Variants in ZNG1A observed in about 807,000 individuals in gnomAD.
ZNG1A encodes the protein zinc-regulated GTPase metalloprotein activator 1A.
the ZNG1A span, among the ~76,000 whole-genome samples, chr9:156,284 G>A: frequency 6.6e-6 from 1 of 151,198 alleles, no homozygotes; most frequent in East Asian, 1.9e-4. Context: ...TTTATGCTAC[G>A]ACAAAAATGA....
At chr9:162,612 C>T in the ZNG1A span, 8 of 588,496 alleles carry the variant, frequency 1.4e-5, no homozygotes, top group African/African-American at 1.6e-4. Flanking sequence ...GTTTTTTTCT[C>T]TTGCCAGTGC....
At chr9:149,528 G>C in the ZNG1A span, 2 of 151,662 alleles carry the variant, frequency 1.3e-5, no homozygotes, top group Non-Finnish European at 2.9e-5. Flanking sequence ...GAAAAGTTGA[G>C]CAATCATTCC....
At chr9:176,658 T>C in the ZNG1A span, among the ~76,000 whole-genome samples, 2 of 151,936 alleles carry the variant, frequency 1.3e-5, no homozygotes, top group African/African-American at 2.4e-5. Context: ...CACAAAAATA[T>C]GAAGTATAGA....
chr9:127,657 A>C, the ZNG1A span, among the ~76,000 whole-genome samples: 1 of 151,802 alleles, frequency 6.6e-6, no homozygotes, highest in African/African-American at 2.4e-5. Context: ...TTTTAAGTGG[A>C]GCATTTAGGC....
the ZNG1A span, among the ~76,000 whole-genome samples, chr9:160,908 CAACAGT>C: frequency 6.6e-6 from 1 of 150,678 alleles, no homozygotes; most frequent in African/African-American, 2.5e-5. Context: ...ATATGATTTC[CAACAGT>C]CATTGGAATT....
the ZNG1A span, among the ~76,000 whole-genome samples, chr9:135,276 A>G: frequency 6.7e-6 from 1 of 149,782 alleles, no homozygotes; most frequent in African/African-American, 2.5e-5. Flanking sequence ...AAAGAGAAAA[A>G]CTAGTCTTTT....
the ZNG1A span, among the ~76,000 whole-genome samples, chr9:127,477 G>A: frequency 6.6e-6 from 1 of 151,922 alleles, no homozygotes; most frequent in Non-Finnish European, 1.5e-5. Context: ...AGTTTGTTTT[G>A]TCTAATATAA....
chr9:175,370 C>T, the ZNG1A span, among the ~76,000 whole-genome samples: 1 of 150,320 alleles, frequency 6.7e-6, no homozygotes, highest in Non-Finnish European at 1.5e-5. Flanking sequence ...GAGAGAGACT[C>T]CATCTCAAAA....
At chr9:159,253 C>G in the ZNG1A span, among the ~76,000 whole-genome samples, 9 of 148,422 alleles carry the variant, frequency 6.1e-5, no homozygotes, top group African/African-American at 2.0e-4. Context: ...GATCAAAACC[C>G]CAATTTAACT....
chr9:125,000 T>C, the ZNG1A span, among the ~76,000 whole-genome samples: 239 of 152,352 alleles, frequency 1.6e-3, no homozygotes, highest in Non-Finnish European at 2.4e-3. Flanking sequence ...CAATTGCCAA[T>C]TGTGCTGCTA....
chr9:133,778 T>C, the ZNG1A span, among the ~76,000 whole-genome samples: 196 of 150,158 alleles, frequency 1.3e-3, 2 homozygotes, highest in African/African-American at 4.6e-3. Context: ...TTGTAACAAA[T>C]ACTCACTGAG....
the ZNG1A span, among the ~76,000 whole-genome samples, chr9:143,444 C>A: frequency 8.3e-6 from 1 of 120,608 alleles, no homozygotes; most frequent in Non-Finnish European, 1.7e-5. Flanking sequence ...AGACAAAAAC[C>A]ACATGATTAT....
the ZNG1A span, chr9:148,595 GA>G: frequency 1.4e-4 from 16 of 112,044 alleles, no homozygotes; most frequent in Middle Eastern, 0.014. Flanking sequence ...AAAAAAAAAA[GA>G]AAAAAAAGAC....
the ZNG1A span, chr9:154,406 T>C: frequency 4.2e-6 from 2 of 473,396 alleles, no homozygotes; most frequent in East Asian, 6.6e-5. Flanking sequence ...CCATCCTGGG[T>C]AAAGTTAGGG....
At chr9:172,853 C>T in the ZNG1A span, 2 of 253,210 alleles carry the variant, frequency 7.9e-6, no homozygotes, top group African/African-American at 5.0e-5. Flanking sequence ...CTATGGTAGA[C>T]TAGTGAACAC....
chr9:161,960 T>C, the ZNG1A span, among the ~76,000 whole-genome samples: 4 of 150,866 alleles, frequency 2.7e-5, no homozygotes, highest in African/African-American at 4.9e-5. Context: ...GTTTGTTACA[T>C]AGGTAAACGG....
chr9:145,238 C>T, the ZNG1A span, among the ~76,000 whole-genome samples: 12 of 151,846 alleles, frequency 7.9e-5, no homozygotes, highest in African/African-American at 2.9e-4. Flanking sequence ...GCTATAAAGA[C>T]ACATGCACAC....
chr9:174,033 G>A, the ZNG1A span, among the ~76,000 whole-genome samples: 1 of 151,756 alleles, frequency 6.6e-6, no homozygotes, highest in African/African-American at 2.4e-5. Flanking sequence ...TGTAGTCCCA[G>A]CTACTCAGGC....
At chr9:127,753 T>C in the ZNG1A span, among the ~76,000 whole-genome samples, 1 of 152,136 alleles carries the variant, frequency 6.6e-6, no homozygotes, top group Non-Finnish European at 1.5e-5. Context: ...GTTTTTCTGG[T>C]TTTTGTTGTT....
Sources: gnomAD v4.1 joint callset for allele counts (sites outside exome capture counted in the v4.1 genomes callset) on GRCh38, gnomAD v4.1.1 for gene constraint, MANE v1.5 for transcripts, NCBI Gene and HGNC (gene_info 2026-07-23, HGNC 2026-07-21) for gene names.